TRIM33: variants seen among roughly 807,000 people sequenced by gnomAD.
TRIM33 encodes tripartite motif containing 33.
TRIM33 carries 20 observed loss-of-function variants against 125.4 expected under a neutral mutation model. The ratio of observed to expected loss-of-function variants is 0.16; its 90% CI spans 0.11 to 0.23. The LOEUF (loss-of-function observed/expected upper bound fraction) is 0.23, where lower values mean the gene tolerates loss of function less well. TRIM33 is among the 10% of genes least tolerant of loss of function. TRIM33 has a pLI of 1.00. For missense variants in TRIM33, 920 were observed against 1,411.4 expected (o/e 0.65, Z 5.58); for synonymous variants, 564 against 513.9 (o/e 1.10, Z -1.32).
At chr1:114,421,372 T>A (rs1653270964) in intron 11 of TRIM33, 64 bp downstream of exon 11, 1 of 1,413,446 alleles carries the variant, frequency 7.1e-7, no homozygotes, top group Non-Finnish European at 9.8e-7. Flanking sequence ...AACTCTGAAA[T>A]AAATACTCTA....
chr1:114,475,552 G>A (rs533722125), intron 1 of TRIM33, among the ~76,000 whole-genome samples: 1 of 152,190 alleles, frequency 6.6e-6, no homozygotes, highest in African/African-American at 2.4e-5. Flanking sequence ...GCGTGGTGAC[G>A]GGCACCTGTA....
intron 4 of TRIM33, among the ~76,000 whole-genome samples, chr1:114,440,058 A>T (rs1469934188): frequency 1.3e-5 from 2 of 152,314 alleles, no homozygotes; most frequent in Middle Eastern, 3.4e-3. Flanking sequence ...CAGAGATCCA[A>T]AAGTGTTATG....
In TRIM33 at chr1:114,425,386, G is replaced by A. The variant is rs1647497228; in HGVS notation, c.1695+63C>T. ...TTGAAATGTGTAACTTAATTATATA[G>A]GAAAAAGTGTAGTGTTGAGGGCTTC... On this transcript the variant is annotated intron_variant, in intron 9 of 19. Transcript: ENST00000358465. 4 of 1,565,734 alleles carry A rather than the reference G, an allele frequency of 2.6e-6. No homozygotes were observed. In the East Asian group the frequency reaches 9.0e-5, roughly 35 times the overall value.
At chr1:114,400,111 T>C (rs972244250) in intron 17 of TRIM33, among the ~76,000 whole-genome samples, 1 of 152,214 alleles carries the variant, frequency 6.6e-6, no homozygotes, top group South Asian at 2.1e-4. Context: ...AACCATTTAG[T>C]GTTCACGCTA....
At chr1:114,482,965 T>C (rs541562931) in intron 1 of TRIM33, among the ~76,000 whole-genome samples, 4 of 152,326 alleles carry the variant, frequency 2.6e-5, no homozygotes, top group Non-Finnish European at 5.9e-5. Flanking sequence ...AATGGACTAA[T>C]AGAACTATGA....
At chr1:114,487,923 AAAAAAAAT>A (rs1259102437) in intron 1 of TRIM33, among the ~76,000 whole-genome samples, 10 of 150,466 alleles carry the variant, frequency 6.6e-5, no homozygotes, top group African/African-American at 2.2e-4. Flanking sequence ...AAAAAAAAAA[AAAAAAAAT>A]GAGAGTAAAT....
Position 114,401,870 on chromosome 1 carries a change from G to C in TRIM33, c.2893-407C>G, listed in dbSNP as rs562012133. 1.6e-4 allele frequency among the ~76,000 whole-genome samples: 25 copies of C among 152,292 alleles called. No individual in the cohort carries two copies. The Middle Eastern group carries it at 0.01, about 62-fold the overall frequency. ...CATCCCCTTTCTTCAAATGATTCCA[G>C]TCAGGTTCAAAATGAAAATGGCCTT... On this transcript the variant is annotated intron_variant, in intron 16 of 19. Transcript: ENST00000358465.
chr1:114,477,038 C>T (rs1557888756), intron 1 of TRIM33, among the ~76,000 whole-genome samples: 2 of 152,248 alleles, frequency 1.3e-5, no homozygotes, highest in Middle Eastern at 3.4e-3. Context: ...ACCACTCCAG[C>T]GTATTGACTC....
intron 8 of TRIM33, among the ~76,000 whole-genome samples, chr1:114,426,974 A>G (rs1387581992): frequency 6.6e-6 from 1 of 152,240 alleles, no homozygotes; most frequent in African/African-American, 2.4e-5. Flanking sequence ...TATACAGAGT[A>G]GACGCTCAAC....
chr1:114,439,111 AGAC>A (rs1305895396), intron 4 of TRIM33, among the ~76,000 whole-genome samples: 1 of 152,212 alleles, frequency 6.6e-6, no homozygotes, highest in Non-Finnish European at 1.5e-5. Flanking sequence ...CAATTACCTA[AGAC>A]TTCATTAGAA....
At chr1:114,415,324 A>G (rs1256579869) in intron 11 of TRIM33, among the ~76,000 whole-genome samples, 2 of 152,134 alleles carry the variant, frequency 1.3e-5, no homozygotes, top group Non-Finnish European at 2.9e-5. Flanking sequence ...AAACAGTGAC[A>G]AAGTCAGCAT....
intron 4 of TRIM33, among the ~76,000 whole-genome samples, chr1:114,446,182 AAGATG>A (rs1648963202): frequency 6.6e-6 from 1 of 152,218 alleles, no homozygotes; most frequent in Admixed American, 6.5e-5. Flanking sequence ...ATATGACAAG[AAGATG>A]AGAGTATTCA....
At chr1:114,499,537 TC>T (rs1386289389) in intron 1 of TRIM33, among the ~76,000 whole-genome samples, 1 of 152,130 alleles carries the variant, frequency 6.6e-6, no homozygotes, top group Non-Finnish European at 1.5e-5. Context: ...TCTGAGAATT[TC>T]TAAATACAAG....
At chr1:114,442,796 T>C (rs547456014) in intron 4 of TRIM33, among the ~76,000 whole-genome samples, 30 of 151,370 alleles carry the variant, frequency 2.0e-4, no homozygotes, top group African/African-American at 6.3e-4. Flanking sequence ...CTATGAATAA[T>C]GCAAACTACC....
intron 5 of TRIM33, among the ~76,000 whole-genome samples, chr1:114,431,762 T>C (rs1647964116): frequency 6.6e-6 from 1 of 152,248 alleles, no homozygotes; most frequent in African/African-American, 2.4e-5. Flanking sequence ...ATGTAGTTTT[T>C]TTCCTTCTCT....
chr1:114,407,601 T>C (rs1652329807), intron 13 of TRIM33, among the ~76,000 whole-genome samples: 1 of 152,172 alleles, frequency 6.6e-6, no homozygotes, highest in African/African-American at 2.4e-5. Context: ...TAAAAAAGAC[T>C]GCTGTGATTA....
chr1:114,398,032 T>C, intron 18 of TRIM33, 42 bp from the exon 19 acceptor site: 1 of 1,592,488 alleles, frequency 6.3e-7, no homozygotes, highest in African/African-American at 1.4e-5. Flanking sequence ...AGGGAAATTA[T>C]AATCCTTTCT....
Position 114,433,747 on chromosome 1 carries a change from C to A in TRIM33, c.924-14G>T, listed in dbSNP as rs1276128121. ...AAAAACTGATACCTTAAAACCAAAA[C>A]AAAACTACATTTAAAACAAAACATT... On this transcript the variant is annotated splice_polypyrimidine_tract_variant and intron_variant, in intron 4 of 19. Coordinates refer to ENST00000358465, the MANE Select transcript of TRIM33 (RefSeq NM_015906.4). 1.4e-6 allele frequency: 2 copies of A among 1,432,218 alleles called. No individual in the cohort carries two copies. The highest frequency in any genetic ancestry group is 1.9e-6 in the Non-Finnish European group (2 of 1,029,952). 88.7% of individuals were successfully genotyped at this position (1,432,218 alleles called of 1,614,324 possible).
chr1:114,430,957 T>C, intron 5 of TRIM33, 45 bp from the exon 6 acceptor site: 3 of 1,069,594 alleles, frequency 2.8e-6, no homozygotes, highest in South Asian at 1.3e-5. Context: ...TTATCCTAGG[T>C]CTCTGAATCA....
Sources: gnomAD v4.1 joint callset for allele counts (sites outside exome capture counted in the v4.1 genomes callset) on GRCh38, gnomAD v4.1.1 for gene constraint, MANE v1.5 for transcripts, NCBI Gene and HGNC (gene_info 2026-07-23, HGNC 2026-07-21) for gene names.